Variants in RYR2 observed in about 807,000 individuals in gnomAD.
RYR2 encodes the protein ryanodine receptor 2.
In RYR2, 227 loss-of-function variants were observed where a neutral mutation model predicts 601.1. The ratio of observed to expected loss-of-function variants is 0.38; its 90% CI spans 0.34 to 0.42. RYR2 has a LOEUF of 0.42. Ranked by LOEUF, RYR2 falls within the 10% of genes least tolerant of loss-of-function variation. RYR2 has a pLI of 1.00. For missense variants in RYR2, 4,646 were observed against 6,156.5 expected (o/e 0.75, Z 8.21); for synonymous variants, 2,223 against 2,175.1 (o/e 1.02, Z -0.61).
intron 73 of RYR2, among the ~76,000 whole-genome samples, chr1:237,719,050 G>C (rs937773547): frequency 3.3e-5 from 5 of 152,074 alleles, no homozygotes; most frequent in Admixed American, 6.5e-5. Context: ...AATCACTTGA[G>C]CCCAAGAGTT....
At chr1:237,433,414 A>C (rs1707031774) in intron 12 of RYR2, among the ~76,000 whole-genome samples, 1 of 152,152 alleles carries the variant, frequency 6.6e-6, no homozygotes, top group African/African-American at 2.4e-5. Flanking sequence ...TCATGCTGAA[A>C]AGTATTTTCT....
chr1:237,245,040 T>A (rs1686660759), intron 1 of RYR2, among the ~76,000 whole-genome samples: 1 of 142,678 alleles, frequency 7.0e-6, no homozygotes, highest in African/African-American at 2.5e-5. Flanking sequence ...AGACGCTGTC[T>A]CTAAAAAATA....
chr1:237,245,230 A>C (rs78058893), intron 1 of RYR2, among the ~76,000 whole-genome samples: 1 of 151,992 alleles, frequency 6.6e-6, no homozygotes, highest in Non-Finnish European at 1.5e-5. Flanking sequence ...AAAAAAAAAA[A>C]AAGAGATAGC....
chr1:237,699,958 A>ACCGTTAGTGATAAGC (rs1224783083), intron 64 of RYR2, among the ~76,000 whole-genome samples: 3 of 152,188 alleles, frequency 2.0e-5, no homozygotes, highest in Non-Finnish European at 4.4e-5. Context: ...TAAATTGGAG[A>ACCGTTAGTGATAAGC]CCGTTAGTGA....
chr1:237,469,216 G>T (rs1295636211), intron 17 of RYR2, 29 bp downstream of exon 17: 1 of 859,360 alleles, frequency 1.2e-6, no homozygotes, highest in Non-Finnish European at 1.7e-6. Flanking sequence ...TCCTTGTTGT[G>T]ATAGATCACT....
At position 237,269,166 on chromosome 1, in the gene RYR2, C is replaced by T. The variant is rs184543126; in HGVS notation, c.49-1331C>T. ...AAAGCAATTCTCCTGCCTCAGCCTC[C>T]TGAGTAGCTGGGATTACAGGCATGT... On this transcript the variant is annotated intron_variant, in intron 1 of 104. Coordinates refer to ENST00000366574, the MANE Select transcript of RYR2 (RefSeq NM_001035.3). Among the ~76,000 whole-genome samples the T allele has an allele frequency of 6.6e-4, 100 of 150,408 alleles. 2 individuals are homozygous for T. The East Asian group carries it at 0.019, about 28-fold the overall frequency.
chr1:237,154,165 G>C (rs1675045925), intron 1 of RYR2, among the ~76,000 whole-genome samples: 1 of 152,324 alleles, frequency 6.6e-6, no homozygotes, highest in East Asian at 1.9e-4. Context: ...TGCGGATTAT[G>C]AGTTATGTAG....
chr1:237,257,248 G>A (rs1327853785), intron 1 of RYR2, among the ~76,000 whole-genome samples: 3 of 152,092 alleles, frequency 2.0e-5, no homozygotes, highest in Admixed American at 6.6e-5. Flanking sequence ...ATGAGCAAAT[G>A]GCTTACTCTT....
chr1:237,549,444 C>G (rs1670153097), intron 26 of RYR2, among the ~76,000 whole-genome samples: 2 of 151,904 alleles, frequency 1.3e-5, no homozygotes, highest in Admixed American at 1.3e-4. Flanking sequence ...GCATGGGGCA[C>G]ATGCCTGTAG....
At chr1:237,042,610 C>A in intron 1 of RYR2, 41 bp downstream of exon 1, 1 of 1,250,980 alleles carries the variant, frequency 8.0e-7, no homozygotes, top group Non-Finnish European at 1.0e-6. Flanking sequence ...GGGAAGGGGG[C>A]GTCAGGGCAT....
intron 1 of RYR2, among the ~76,000 whole-genome samples, chr1:237,094,180 G>A (rs1667263017): frequency 6.6e-6 from 1 of 152,228 alleles, no homozygotes; most frequent in African/African-American, 2.4e-5. Flanking sequence ...AAATGAAACA[G>A]GAAAATCTAT....
rs1332777 is a variant in RYR2 at position 237,591,040 on chromosome 1, A to G, written c.4160+48A>G. On this transcript the variant is annotated intron_variant, in intron 31 of 104. Transcript: ENST00000366574. ...TTTTAAATTTGTAGTTATGTGAGGA[A>G]GGTTACAGTCCAGAGTAAAGGGTCT... 0.45 allele frequency: 627,453 copies of G among 1,388,112 alleles called. 157,584 individuals carry two copies. Among genetic ancestry groups the G allele is most frequent in the Admixed American group, 0.57 (28,011 of 49,342 alleles). 86.0% of individuals were successfully genotyped at this position (1,388,112 alleles called of 1,614,324 possible).
intron 44 of RYR2, among the ~76,000 whole-genome samples, chr1:237,637,450 A>G (rs1427852704): frequency 6.6e-6 from 1 of 152,230 alleles, no homozygotes; most frequent in East Asian, 1.9e-4. Flanking sequence ...AATTTCATCA[A>G]TACTGAAAAG....
chr1:237,115,285 G>A (rs960708689), intron 1 of RYR2, among the ~76,000 whole-genome samples: 1 of 152,070 alleles, frequency 6.6e-6, no homozygotes, highest in African/African-American at 2.4e-5. Context: ...CTTGGGGCTG[G>A]ACCACTCCTT....
intron 17 of RYR2, among the ~76,000 whole-genome samples, chr1:237,470,209 A>T (rs994726316): frequency 2.0e-5 from 3 of 152,200 alleles, no homozygotes. Context: ...CTACCATACC[A>T]TCTGGCACCT....
chr1:237,107,365 C>G (rs1410896425), intron 1 of RYR2, among the ~76,000 whole-genome samples: 4 of 150,698 alleles, frequency 2.7e-5, no homozygotes, highest in Non-Finnish European at 5.9e-5. Context: ...ACTAAAAATA[C>G]AAAAAATTAG....
chr1:237,094,869 G>T (rs913983465), intron 1 of RYR2, among the ~76,000 whole-genome samples: 30 of 152,180 alleles, frequency 2.0e-4, no homozygotes, highest in African/African-American at 7.0e-4. Flanking sequence ...GGGATTACAG[G>T]TGTGAGCCAC....
rs1367840333 is a variant in RYR2 at position 237,355,982 on chromosome 1, A to ATG, written c.292_293dup (p.Trp98CysfsTer5). 1 of 1,606,840 alleles carries ATG rather than the reference A, an allele frequency of 6.2e-7. No individual in the cohort carries two copies. On this transcript the variant is annotated frameshift_variant, in exon 4 of 105. Coordinates refer to ENST00000366574, the MANE Select transcript of RYR2 (RefSeq NM_001035.3). LOFTEE classifies it high-confidence loss of function. ...TTCCACAGCAAGTTGATGTGGAAAA[A>ATG]TGGGTATGTGTTTCCATGTATTTGC...
chr1:237,369,517 T>G lies in RYR2; in HGVS notation c.310-17T>G. 1 of 1,553,694 alleles carries G rather than the reference T, an allele frequency of 6.4e-7. No homozygotes were observed. Among genetic ancestry groups the G allele is most frequent in the South Asian group, 1.2e-5 (1 of 84,204 alleles). On this transcript the variant is annotated splice_polypyrimidine_tract_variant and intron_variant, in intron 5 of 104. Coordinates refer to ENST00000366574, the MANE Select transcript of RYR2 (RefSeq NM_001035.3). Reference sequence around the variant, plus strand: ...TGTTTTTCTCTCTTGTTCTCCTTTTTTCTCTTCTCTCTAAAGACTGCTCAA... The same window carrying G: ...TGTTTTTCTCTCTTGTTCTCCTTTTGTCTCTTCTCTCTAAAGACTGCTCAA...
Sources: gnomAD v4.1 joint callset for allele counts (sites outside exome capture counted in the v4.1 genomes callset) on GRCh38, gnomAD v4.1.1 for gene constraint, MANE v1.5 for transcripts, NCBI Gene and HGNC (gene_info 2026-07-23, HGNC 2026-07-21) for gene names.